The following PPP1R36 variants were observed in gnomAD, a reference collection of about 807,000 sequenced individuals.
The protein encoded by PPP1R36 is protein phosphatase 1 regulatory subunit 36.
In PPP1R36, 47 loss-of-function variants were observed where a neutral mutation model predicts 53.4. That is an observed-to-expected ratio of 0.88 (90% confidence interval 0.70 to 1.12). PPP1R36 has a LOEUF of 1.12. PPP1R36 is among the 50% of genes most tolerant of loss of function. The probability of loss-of-function intolerance (pLI) is 0.00; values close to 1 mark genes in which losing one functional copy is unlikely to be tolerated. For synonymous variants in PPP1R36, 153 were observed against 170.5 expected, an observed-to-expected ratio of 0.90 and a Z score of 0.80; for missense variants, 456 against 513.9, an observed-to-expected ratio of 0.89 and a Z score of 1.09.
At chr14:64,555,426 T>C (rs564571450) in intron 3 of PPP1R36, among the ~76,000 whole-genome samples, 50 of 129,556 alleles carry the variant, frequency 3.9e-4, no homozygotes, top group African/African-American at 1.5e-3. Flanking sequence ...TGTTGAGAAA[T>C]AACTCTAAGA....
At chr14:64,587,058 T>A in intron 9 of PPP1R36, 136 bp from the exon 10 acceptor site, 1 of 828,278 alleles carries the variant, frequency 1.2e-6, no homozygotes, top group South Asian at 1.8e-5. Context: ...AGTATGTGTA[T>A]AATTTTTCAT....
intron 8 of PPP1R36, among the ~76,000 whole-genome samples, chr14:64,582,369 G>T (rs1289452327): frequency 6.6e-6 from 1 of 152,138 alleles, no homozygotes; most frequent in African/African-American, 2.4e-5. Context: ...TCCTCATTTT[G>T]ATTTGGAGCC....
intron 8 of PPP1R36, among the ~76,000 whole-genome samples, chr14:64,582,843 G>A (rs1566658559): frequency 2.6e-5 from 4 of 151,400 alleles, no homozygotes; most frequent in Non-Finnish European, 5.9e-5. Context: ...GATTCTGGGA[G>A]GCTTAAATTT....
chr14:64,568,313 T>C (rs1003739710), intron 6 of PPP1R36, 36 bp from the exon 7 acceptor site: 13 of 908,654 alleles, frequency 1.4e-5, no homozygotes, highest in Non-Finnish European at 2.2e-5. Context: ...TAGGTTAGCA[T>C]TGACTCTTTT....
chr14:64,568,579 G>A (rs2080279319), intron 7 of PPP1R36, 132 bp downstream of exon 7: 4 of 449,554 alleles, frequency 8.9e-6, no homozygotes, highest in Non-Finnish European at 1.6e-5. Context: ...CATGGGAAGA[G>A]TGTGTCAGTT....
intron 6 of PPP1R36, among the ~76,000 whole-genome samples, chr14:64,566,794 T>G (rs2080261503): frequency 6.6e-6 from 1 of 151,996 alleles, no homozygotes; most frequent in Non-Finnish European, 1.5e-5. Flanking sequence ...AGGCACACAC[T>G]CAGCCTGACT....
At chr14:64,571,651 T>G (rs2080304303) in intron 7 of PPP1R36, among the ~76,000 whole-genome samples, 1 of 152,186 alleles carries the variant, frequency 6.6e-6, no homozygotes, top group Admixed American at 6.5e-5. Context: ...ATCAAGTCCT[T>G]AAACAATACC....
chr14:64,563,482 G>T lies in PPP1R36; in HGVS notation c.183-1269G>T, dbSNP rs567396850. Among the ~76,000 whole-genome samples, 13 of 151,318 alleles carry T rather than the reference G, an allele frequency of 8.6e-5. No individual in the cohort carries two copies. In the East Asian group the frequency reaches 2.3e-3, roughly 27 times the overall value. Reference sequence around the variant, plus strand: ...AAAAAAAAAAAGAAAGAAAAGAACAGTGGAAAAATTGTAAAAAATCATTCC... The same window carrying T: ...AAAAAAAAAAAGAAAGAAAAGAACATTGGAAAAATTGTAAAAAATCATTCC... On this transcript the variant is annotated intron_variant, in intron 3 of 11. Transcript: ENST00000298705.
intron 3 of PPP1R36, chr14:64,562,044 T>G (rs560000887): frequency 6.4e-6 from 2 of 312,832 alleles, no homozygotes; most frequent in African/African-American, 4.4e-5. Context: ...GGGAATGACA[T>G]GATTATATTG....
chr14:64,560,194 G>A (rs1036197723), intron 3 of PPP1R36, among the ~76,000 whole-genome samples: 23 of 147,450 alleles, frequency 1.6e-4, no homozygotes, highest in Admixed American at 8.9e-4. Flanking sequence ...TAATCCCAGC[G>A]CTTTGGGAGA....
In PPP1R36 at chr14:64,589,272, G is replaced by A. The variant is rs1473602034; in HGVS notation, c.1203G>A (p.Met401Ile). The A allele has an allele frequency of 7.4e-6, 12 of 1,613,854 alleles. No homozygotes were observed. Among genetic ancestry groups the A allele is most frequent in the East Asian group, 4.5e-5 (2 of 44,882 alleles). Residue 401 changes from methionine (M) to isoleucine (I), a missense_variant, in exon 12 of 12, where the codon ATG becomes ATA. Transcript: ENST00000298705. ...RYPSLMENNN[M>I]RIQDTLDLVM... is the part of the protein sequence containing the mutation. ...CTTCCTTGATGGAAAACAATAACAT[G>A]AGGATTCAGGATACACTGGACTTGG...
chr14:64,583,055 C>CTATATA (rs748020243), intron 8 of PPP1R36, among the ~76,000 whole-genome samples: 9 of 141,596 alleles, frequency 6.4e-5, no homozygotes, highest in African/African-American at 2.3e-4. Context: ...CCACTCCCAG[C>CTATATA]TATATATATA....
chr14:64,564,151 C>T (rs2080230405), intron 3 of PPP1R36, among the ~76,000 whole-genome samples: 2 of 152,174 alleles, frequency 1.3e-5, no homozygotes, highest in Admixed American at 1.3e-4. Context: ...GGTCCTGAAA[C>T]CTACCTGGAG....
chr14:64,587,055 G>A, intron 9 of PPP1R36, 139 bp from the exon 10 acceptor site: 1 of 816,860 alleles, frequency 1.2e-6, no homozygotes, highest in Non-Finnish European at 1.9e-6. Flanking sequence ...GTGAGTATGT[G>A]TATAATTTTT....
intron 7 of PPP1R36, among the ~76,000 whole-genome samples, chr14:64,572,575 G>T (rs552153801): frequency 1.3e-5 from 2 of 151,996 alleles, no homozygotes; most frequent in Non-Finnish European, 2.9e-5. Context: ...TGCATATGGG[G>T]TCTAGGGACC....
At chr14:64,553,609 A>C (rs1240785721) in intron 3 of PPP1R36, among the ~76,000 whole-genome samples, 1 of 152,198 alleles carries the variant, frequency 6.6e-6, no homozygotes, top group Non-Finnish European at 1.5e-5. Flanking sequence ...GGCAAAAAAT[A>C]ACTTCAATGA....
chr14:64,573,758 C>G (rs1192423629), intron 7 of PPP1R36, among the ~76,000 whole-genome samples: 2 of 150,414 alleles, frequency 1.3e-5, no homozygotes, highest in African/African-American at 4.9e-5. Flanking sequence ...ACTAAAAATA[C>G]AAAAATTAGC....
intron 6 of PPP1R36, among the ~76,000 whole-genome samples, chr14:64,566,539 G>A (rs1047453030): frequency 1.3e-5 from 2 of 152,140 alleles, no homozygotes; most frequent in African/African-American, 4.8e-5. Context: ...GTGTGACTCT[G>A]GGTAAGTTTC....
chr14:64,583,842 G>A, intron 8 of PPP1R36, among the ~76,000 whole-genome samples: 1 of 141,904 alleles, frequency 7.0e-6, no homozygotes, highest in Non-Finnish European at 1.5e-5. Flanking sequence ...AAGAGAGAAA[G>A]AGTTCCAGTG....
Sources: gnomAD v4.1 joint callset for allele counts (sites outside exome capture counted in the v4.1 genomes callset) on GRCh38, gnomAD v4.1.1 for gene constraint, MANE v1.5 for transcripts, NCBI Gene and HGNC (gene_info 2026-07-23, HGNC 2026-07-21) for gene names.